CAPN3: variants seen among roughly 807,000 people sequenced by gnomAD.
CAPN3 encodes the protein calpain 3.
A neutral mutation model predicts 114.0 loss-of-function variants in CAPN3; 88 were observed. The ratio of observed to expected loss-of-function variants is 0.77; its 90% CI spans 0.65 to 0.92. The LOEUF is 0.92. CAPN3 is among the 40% of genes least tolerant of loss of function. CAPN3 has a pLI of 0.00. For synonymous variants in CAPN3, 386 were observed against 382.9 expected (o/e 1.01, Z -0.09); for missense variants, 1,028 against 1,069.0 (o/e 0.96, Z 0.53).
At chr15:42,396,177 C>T (rs2053682474) in intron 8 of CAPN3, among the ~76,000 whole-genome samples, 1 of 152,106 alleles carries the variant, frequency 6.6e-6, no homozygotes, top group Non-Finnish European at 1.5e-5. Context: ...AAGTGACCTG[C>T]CCAAGGTTGC....
rs144383704 is a variant in CAPN3, at chr15:42,408,222, C to T, written c.1812C>T (p.Phe604=). 39 of 1,612,686 alleles carry T rather than the reference C, an allele frequency of 2.4e-5. No individual in the cohort carries two copies. The highest frequency in any genetic ancestry group is 1.8e-4 in the Admixed American group (11 of 59,960). Residue 604 remains phenylalanine, a synonymous_variant, in exon 16 of 24, where the codon TTC becomes TTT. Coordinates refer to ENST00000397163, the MANE Select transcript of CAPN3 (RefSeq NM_000070.3). ...CCTCCTCTCTCCAGCCCATCATCTT[C>T]GTTTCGGACAGAGCAAACAGCAACA... ...VKKKKTKPII[F]VSDRANSNKE...
intron 18 of CAPN3, 35 bp downstream of exon 18, chr15:42,409,879 T>C: frequency 5.6e-6 from 1 of 178,710 alleles, no homozygotes; most frequent in Non-Finnish European, 1.1e-5. Flanking sequence ...GTGGGGTGGG[T>C]GGGGAGTCCC....
intron 13 of CAPN3, among the ~76,000 whole-genome samples, chr15:42,403,433 C>T (rs1277954116): frequency 1.3e-5 from 2 of 152,176 alleles, no homozygotes; most frequent in African/African-American, 2.4e-5. Context: ...CTGGCCACCA[C>T]AGATGAGCTC....
At chr15:42,386,139 A>G in intron 2 of CAPN3, 28 bp from the exon 3 acceptor site, 1 of 1,521,328 alleles carries the variant, frequency 6.6e-7, no homozygotes, top group Non-Finnish European at 9.1e-7. Context: ...AGGAGTGCTC[A>G]CGATCTGTGC....
chr15:42,395,062 C>G (rs750948913), intron 8 of CAPN3, among the ~76,000 whole-genome samples: 3 of 152,144 alleles, frequency 2.0e-5, no homozygotes, highest in Non-Finnish European at 4.4e-5. Flanking sequence ...GCCTGGGCCC[C>G]TCGGCTCCTG....
chr15:42,403,921 C>T lies in CAPN3; in HGVS notation c.1782+144C>T, dbSNP rs76766982. The T allele has an allele frequency of 6.8e-4, 543 of 803,880 alleles. 1 individual carries two copies. The highest frequency in any genetic ancestry group is 9.7e-4 in the Non-Finnish European group (448 of 459,684). The allele number at this position is 803,880 out of a possible 1,614,324, so 49.8% of individuals were successfully genotyped here. Reference sequence around the variant, plus strand: ...GCTGAGCAGTCCCTCCTTGGCACTGCAAATCCTACTTTGGCATGGCCAGAA... The same window carrying T: ...GCTGAGCAGTCCCTCCTTGGCACTGTAAATCCTACTTTGGCATGGCCAGAA... On this transcript the variant is annotated intron_variant, in intron 14 of 23. Transcript: ENST00000397163.
intron 6 of CAPN3, among the ~76,000 whole-genome samples, chr15:42,392,021 T>A (rs1217641678): frequency 6.6e-6 from 1 of 151,600 alleles, no homozygotes; most frequent in Non-Finnish European, 1.5e-5. Flanking sequence ...AAAAATTAGC[T>A]GAGCATGGTG....
intron 1 of CAPN3, among the ~76,000 whole-genome samples, chr15:42,380,705 G>A (rs1446685739): frequency 2.7e-4 from 38 of 139,464 alleles, no homozygotes; most frequent in Admixed American, 2.3e-3. Context: ...CAGTTCAAAC[G>A]GGGTCTCTCC....
chr15:42,403,209 TAAGGA>T (rs1284128955), intron 13 of CAPN3, among the ~76,000 whole-genome samples: 2 of 152,216 alleles, frequency 1.3e-5, no homozygotes, highest in African/African-American at 4.8e-5. Flanking sequence ...TCCTAGGCAC[TAAGGA>T]TAGAGTAGTG....
chr15:42,400,009 C>T (rs932203654), intron 10 of CAPN3, among the ~76,000 whole-genome samples: 6 of 152,176 alleles, frequency 3.9e-5, no homozygotes, highest in African/African-American at 1.4e-4. Flanking sequence ...GGAACACTGA[C>T]CTTAGCCTAA....
intron 11 of CAPN3, 41 bp from the exon 12 acceptor site, chr15:42,402,083 C>T (rs2053888545): frequency 1.2e-6 from 2 of 1,613,662 alleles, no homozygotes; most frequent in African/African-American, 1.3e-5. Flanking sequence ...TCCTCATCCT[C>T]ATTCACATCT....
In CAPN3 at chr15:42,410,610, C is replaced by T. The variant is rs745655567; in HGVS notation, c.2207C>T (p.Thr736Ile). 3 of 1,614,002 alleles carry T rather than the reference C, an allele frequency of 1.9e-6. No homozygotes were observed. Among genetic ancestry groups the T allele is most frequent in the Admixed American group, 3.3e-5 (2 of 60,000 alleles). ...AWQKIFKHYD[T>I]DQSGTINSYE... The stretch of plus-strand genomic sequence containing the variant: ...CAGAAAATTTTCAAACACTATGACA[C>T]AGACCAGTCCGGCACCATCAACAGC... The change falls in exon 21 of 24, where the codon ACA (threonine) becomes ATA (isoleucine). Residue 736 changes from threonine to isoleucine, a missense_variant. Transcript: ENST00000397163.
chr15:42,404,300 G>A, intron 14 of CAPN3: 1 of 456,574 alleles, frequency 2.2e-6, no homozygotes, highest in South Asian at 1.5e-5. Flanking sequence ...ATGAGGTGAT[G>A]TATGTGAAGT....
In CAPN3 at chr15:42,389,116, C is replaced by T; in HGVS notation, c.801+20C>T. On this transcript the variant is annotated intron_variant, in intron 5 of 23. Coordinates refer to ENST00000397163, the MANE Select transcript of CAPN3 (RefSeq NM_000070.3). Reference sequence around the variant, plus strand: ...ATTGATGTAAGTCTGGGGTGTGGGGCACAGGGTGGGGAGCTCCAAGTGTCA... The same window carrying T: ...ATTGATGTAAGTCTGGGGTGTGGGGTACAGGGTGGGGAGCTCCAAGTGTCA... The T allele has an allele frequency of 6.2e-7, 1 of 1,612,852 alleles. No homozygotes were observed. Among genetic ancestry groups the T allele is most frequent in the South Asian group, 1.1e-5 (1 of 91,020 alleles).
chr15:42,405,443 T>C (rs2053990773), intron 14 of CAPN3, among the ~76,000 whole-genome samples: 1 of 152,094 alleles, frequency 6.6e-6, no homozygotes, highest in Non-Finnish European at 1.5e-5. Flanking sequence ...CCTGAGTAGC[T>C]GAGATTACAG....
At chr15:42,411,199 C>A in intron 22 of CAPN3, 88 bp from the exon 23 acceptor site, 2 of 1,167,298 alleles carry the variant, frequency 1.7e-6, no homozygotes, top group Non-Finnish European at 2.6e-6. Flanking sequence ...AGGGACAGCA[C>A]TGGGCACATG....
intron 18 of CAPN3, 26 bp downstream of exon 18, chr15:42,409,870 T>TGGGGGGGGG: frequency 6.7e-6 from 1 of 150,088 alleles, no homozygotes; most frequent in Admixed American, 7.2e-5. Context: ...CAAATGGGGG[T>TGGGGGGGGG]GGGGTGGGTG....
intron 1 of CAPN3, among the ~76,000 whole-genome samples, chr15:42,381,019 G>T (rs868398504): frequency 2.6e-5 from 4 of 151,682 alleles, no homozygotes; most frequent in South Asian, 4.2e-4. Context: ...TTGTACTCTA[G>T]GTACTTTATA....
rs563510311 is a variant in CAPN3 at position 42,402,151 on chromosome 15, C to T, written c.1536+16C>T. ...TCCCAAAGAGGTATAGCAGCAGCAG[C>T]GGCCAGCAGTTGTGTGCAGCACTAC... On this transcript the variant is annotated intron_variant, in intron 12 of 23. Coordinates refer to ENST00000397163, the MANE Select transcript of CAPN3 (RefSeq NM_000070.3). 47 of 1,614,054 alleles carry T rather than the reference C, an allele frequency of 2.9e-5. No homozygotes were observed. The Middle Eastern group carries it at 3.5e-3, about 119-fold the overall frequency.
Sources: gnomAD v4.1 joint callset for allele counts (sites outside exome capture counted in the v4.1 genomes callset) on GRCh38, gnomAD v4.1.1 for gene constraint, MANE v1.5 for transcripts, NCBI Gene and HGNC (gene_info 2026-07-23, HGNC 2026-07-21) for gene names.